The following GEMIN7 variants were observed in gnomAD, a reference collection of about 807,000 sequenced individuals.
The protein encoded by GEMIN7 is gem nuclear organelle associated protein 7, also known as gem-associated protein 7.
Under a neutral mutation model 7.8 loss-of-function variants are expected in GEMIN7, and 7 were observed. That is an observed-to-expected ratio of 0.90 (90% CI 0.51 to 1.69). The LOEUF (loss-of-function observed/expected upper bound fraction) is 1.69. Ranked by LOEUF, GEMIN7 falls within the 40% of genes most tolerant of loss-of-function variation. The pLI is 0.00. For missense variants in GEMIN7, 159 were observed against 176.2 expected (o/e 0.90, Z 0.55); for synonymous variants, 68 against 72.4 (o/e 0.94, Z 0.31).
At chr19:45,076,435 ACGAGCGGAGGACGCG>A, upstream of GEMIN7, 1 of 1,169,220 alleles carries the variant, frequency 8.6e-7, no homozygotes, top group African/African-American at 1.6e-5. This position sits in a 1 kb window ranked among gnomAD's most constrained non-coding sequence, Gnocchi z 4.9. Flanking sequence ...CGGAGGACGC[ACGAGCGGAGGACGCG>A]CGGACCGTGC....
intron 2 of GEMIN7, among the ~76,000 whole-genome samples, chr19:45,089,334 C>A (rs1967813466): frequency 6.6e-6 from 1 of 152,078 alleles, no homozygotes; most frequent in South Asian, 2.1e-4. Context: ...CTTATTTATT[C>A]ATTTATTTAT....
intron 2 of GEMIN7, chr19:45,088,706 A>AC (rs1967786232): frequency 6.6e-6 from 1 of 150,840 alleles, no homozygotes; most frequent in African/African-American, 2.4e-5. Context: ...ACATAGTGAG[A>AC]CCCTGTCTCT....
chr19:45,078,097 CT>C (rs57149861), upstream of GEMIN7, among the ~76,000 whole-genome samples: 2,091 of 96,634 alleles, frequency 0.022, 18 homozygotes, highest in African/African-American at 0.039. Flanking sequence ...TTATTTTACT[CT>C]TTTTTTTTTT....
At chr19:45,084,213 C>CA (rs35661833) in intron 2 of GEMIN7, among the ~76,000 whole-genome samples, 48,754 of 74,442 alleles carry the variant, frequency 0.65, 15,028 homozygotes, top group Non-Finnish European at 0.69. Context: ...CTCCATCTCA[C>CA]AAAAAAAAAA....
upstream of GEMIN7, chr19:45,076,118 T>A (rs965105007): frequency 2.5e-6 from 4 of 1,570,040 alleles, no homozygotes; most frequent in Non-Finnish European, 3.4e-6. This position sits in a 1 kb window ranked among gnomAD's most constrained non-coding sequence, Gnocchi z 4.9. Flanking sequence ...GTCCACGGGT[T>A]CCGCGGGCCG....
chr19:45,090,035 C>G (rs1289699216), intron 2 of GEMIN7, 72 bp from the exon 3 acceptor site: 1 of 1,476,936 alleles, frequency 6.8e-7, no homozygotes, highest in East Asian at 2.3e-5. Flanking sequence ...GCCTCTGCTT[C>G]CACTCCTCCC....
Position 45,090,107 on chromosome 19 carries a change from C to T in GEMIN7, c.-8C>T. 1 of 1,603,688 alleles carries T rather than the reference C, an allele frequency of 6.2e-7. No individual in the cohort carries two copies. ...CCTGCTCTTTTTCTTCACTCAACAG[C>T]CAAGACAATGCAAACTCCAGTGAAC... is the stretch of plus-strand genomic sequence containing the variant. On this transcript the variant is annotated splice_region_variant and 5_prime_UTR_variant, in exon 3 of 3. Coordinates refer to ENST00000270257, the MANE Select transcript of GEMIN7 (RefSeq NM_024707.3).
chr19:45,090,506 C>A lies in GEMIN7; in HGVS notation c.392C>A (p.Pro131Gln). 1 of 1,604,158 alleles carries A rather than the reference C, an allele frequency of 6.2e-7. No individual in the cohort carries two copies. Among genetic ancestry groups the A allele is most frequent in the Non-Finnish European group, 8.5e-7 (1 of 1,172,378 alleles). ...GACATTATTTCATATACCTTCAAGCCATAAAGATATTGTGTTCACTTTTCT... is the reference window on the plus strand; with the variant it reads ...GACATTATTTCATATACCTTCAAGCAATAAAGATATTGTGTTCACTTTTCT... ...CSDIISYTFK[P>Q] Residue 131 changes from proline (P) to glutamine (Q), a missense_variant, in exon 3 of 3, where the codon CCA becomes CAA. Pro to Gln is a moderately conservative substitution (Grantham distance 76, BLOSUM62 -1). Transcript: ENST00000270257.
intron 2 of GEMIN7, 46 bp from the exon 3 acceptor site, chr19:45,090,061 A>G (rs1967837739): frequency 1.3e-6 from 2 of 1,561,424 alleles, no homozygotes; most frequent in Non-Finnish European, 8.7e-7. Flanking sequence ...CATTAGCCCC[A>G]TGCTTACCAT....
intron 2 of GEMIN7, among the ~76,000 whole-genome samples, chr19:45,082,552 A>G (rs1261456122): frequency 6.6e-6 from 1 of 152,184 alleles, no homozygotes; most frequent in African/African-American, 2.4e-5. Flanking sequence ...AAGACCGCCC[A>G]ATGTGGGTCA....
At position 45,090,294 on chromosome 19, in the gene GEMIN7, C is replaced by T. The variant is rs1600147214; in HGVS notation, c.180C>T (p.Ala60=). ...AATCCCAGGAGCAGCGGGCACGAGC[C>T]GCCCTTCGGGAGCGTTACCTCCGCA... ...SLESQEQRAR[A]ALRERYLRSL... The change falls in exon 3 of 3, where the codon GCC becomes GCT. Residue 60 remains alanine, a synonymous_variant. Transcript: ENST00000270257. The T allele has an allele frequency of 1.2e-6, 2 of 1,614,152 alleles. No individual in the cohort carries two copies. Among genetic ancestry groups the T allele is most frequent in the East Asian group, 2.2e-5 (1 of 44,886 alleles).
intron 2 of GEMIN7, chr19:45,085,473 C>T (rs914371641): frequency 6.6e-6 from 1 of 152,202 alleles, no homozygotes; most frequent in Non-Finnish European, 1.5e-5. Flanking sequence ...GGATGCTGCT[C>T]AAACCCTACA....
Position 45,090,373 on chromosome 19 carries a change from C to CG in GEMIN7, c.260dup (p.Val88CysfsTer35). The stretch of plus-strand genomic sequence containing the variant: ...GAGCTTCACGTTGCACGAGGGTGTG[C>CG]GTGTGGCCGCCCACTTTGGAGCCAC... On this transcript the variant is annotated frameshift_variant, in exon 3 of 3. Transcript: ENST00000270257. LOFTEE classifies it high-confidence loss of function. The CG allele has an allele frequency of 6.2e-7, 1 of 1,614,138 alleles. No individual in the cohort carries two copies.
intron 2 of GEMIN7, among the ~76,000 whole-genome samples, chr19:45,085,120 G>T (rs894351767): frequency 6.6e-6 from 1 of 151,414 alleles, no homozygotes; most frequent in African/African-American, 2.4e-5. Context: ...GGGTTTCACC[G>T]TGTTGACCAG....
intron 2 of GEMIN7, 111 bp downstream of exon 2, chr19:45,080,140 T>C (rs1265627483): frequency 6.6e-6 from 1 of 152,172 alleles, no homozygotes; most frequent in African/African-American, 2.4e-5. Context: ...CCTGAAACCT[T>C]CGGAAATCCT....
chr19:45,079,658 G>A (rs1274398933), intron 1 of GEMIN7, among the ~76,000 whole-genome samples: 1 of 152,256 alleles, frequency 6.6e-6, no homozygotes, highest in African/African-American at 2.4e-5. Context: ...GGCGGTGTGG[G>A]GAGTGGACGC....
At chr19:45,086,177 C>G (rs147244578) in intron 2 of GEMIN7, among the ~76,000 whole-genome samples, 2,154 of 151,774 alleles carry the variant, frequency 0.014, 57 homozygotes, top group African/African-American at 0.05. Flanking sequence ...ACACAAGAAT[C>G]TCTTGAACCT....
At position 45,079,973 on chromosome 19, in the gene GEMIN7, A is replaced by G. The variant is rs562376358; in HGVS notation, c.-65A>G. The G allele has an allele frequency of 1.3e-5, 2 of 152,308 alleles. No individual in the cohort carries two copies. The highest frequency in any genetic ancestry group is 4.1e-4 in the South Asian group (2 of 4,824). 9.4% of individuals were successfully genotyped at this position (152,308 alleles called of 1,614,324 possible). On this transcript the variant is annotated 5_prime_UTR_variant, in exon 2 of 3. Coordinates refer to ENST00000270257, the MANE Select transcript of GEMIN7 (RefSeq NM_024707.3). ...CCTGGCAATTGTGAAGAGTTGGCCAAATGTTTGTCCACTGAGCTGATCTCC... is the reference window on the plus strand; with the variant it reads ...CCTGGCAATTGTGAAGAGTTGGCCAGATGTTTGTCCACTGAGCTGATCTCC...
At position 45,084,213 on chromosome 19, in the gene GEMIN7, CAAAAAA is replaced by C. The variant is rs35661833; in HGVS notation, c.-9+4199_-9+4204del. Among the ~76,000 whole-genome samples the C allele has an allele frequency of 6.7e-5, 5 of 74,504 alleles. No homozygotes were observed. The Admixed American group carries it at 7.1e-4, about 11-fold the overall frequency. 48.9% of individuals were successfully genotyped at this position (74,504 alleles called of 152,430 possible). ...GCGACAAGAGCGAGACTCCATCTCA[CAAAAAA>C]AAAAAAAAAAAAAAGAAATTAAAAT... On this transcript the variant is annotated intron_variant, in intron 2 of 2. Coordinates refer to ENST00000270257, the MANE Select transcript of GEMIN7 (RefSeq NM_024707.3).
Sources: allele counts gnomAD v4.1 joint callset (sites outside exome capture counted in the v4.1 genomes callset), GRCh38; gene constraint gnomAD v4.1.1; non-coding constraint Gnocchi (gnomAD v3.1); transcripts MANE v1.5; gene names NCBI Gene and HGNC (gene_info 2026-07-23, HGNC 2026-07-21).